Variants in KIF9 observed in about 807,000 individuals in gnomAD.
KIF9 encodes the protein kinesin family member 9.
In KIF9, 68 loss-of-function variants were observed where a neutral mutation model predicts 94.8. The ratio of observed to expected loss-of-function variants is 0.72; its 90% CI spans 0.59 to 0.88. KIF9 has a LOEUF of 0.88. Among genes scored for constraint, KIF9 ranks in the 40% least tolerant of loss-of-function variants. KIF9 has a pLI of 0.00. For missense variants in KIF9, 882 were observed against 982.5 expected, an observed-to-expected ratio of 0.90 and a Z score of 1.37; for synonymous variants, 343 against 362.1, an observed-to-expected ratio of 0.95 and a Z score of 0.60.
intron 10 of KIF9, among the ~76,000 whole-genome samples, chr3:47,257,115 TGA>T (rs1491245530): frequency 6.6e-6 from 1 of 151,602 alleles, no homozygotes; most frequent in African/African-American, 2.4e-5. Flanking sequence ...TCCCCCTCTG[TGA>T]GAAACACCCA....
chr3:47,269,129 A>G lies in KIF9; in HGVS notation c.592-1866T>C, dbSNP rs527749784. On this transcript the variant is annotated intron_variant, in intron 5 of 20. Coordinates refer to ENST00000684063, the MANE Select transcript of KIF9 (RefSeq NM_182902.4). ...ATCCTGCTATTGACGTTGAGGAAGTAAGTTGCTATGTTGTGAGAAGGCACT... is the reference window on the plus strand; with the variant it reads ...ATCCTGCTATTGACGTTGAGGAAGTGAGTTGCTATGTTGTGAGAAGGCACT... Among the ~76,000 whole-genome samples, 26 of 152,324 alleles carry G rather than the reference A, an allele frequency of 1.7e-4. No homozygotes were observed. In the South Asian group the frequency reaches 5.0e-3, roughly 29 times the overall value.
chr3:47,241,801 ATATATG>A lies in KIF9; in HGVS notation c.1710-792_1710-787del, dbSNP rs1293813911. The stretch of plus-strand genomic sequence containing the variant: ...TACATGTATATACGTGTATATATGT[ATATATG>A]TATATATGTATATATATACACACAC... On this transcript the variant is annotated intron_variant, in intron 16 of 20. Coordinates refer to ENST00000684063, the MANE Select transcript of KIF9 (RefSeq NM_182902.4). Among the ~76,000 whole-genome samples, 20 of 144,446 alleles carry A rather than the reference ATATATG, an allele frequency of 1.4e-4. No individual in the cohort carries two copies. In the South Asian group the frequency reaches 2.1e-3, roughly 15 times the overall value. 94.8% of individuals were successfully genotyped at this position (144,446 alleles called of 152,430 possible).
At chr3:47,260,649 C>G (rs554848387) in intron 9 of KIF9, among the ~76,000 whole-genome samples, 1 of 152,142 alleles carries the variant, frequency 6.6e-6, no homozygotes, top group East Asian at 1.9e-4. Context: ...GTTTTATAGA[C>G]GAGGACACTG....
At chr3:47,256,465 A>AG (rs1349841829) in intron 10 of KIF9, among the ~76,000 whole-genome samples, 1 of 149,992 alleles carries the variant, frequency 6.7e-6, no homozygotes, top group Non-Finnish European at 1.5e-5. Flanking sequence ...CCCGTCCGGG[A>AG]GGGAGGTGGG....
chr3:47,257,943 C>T (rs901496000), intron 9 of KIF9, among the ~76,000 whole-genome samples: 1 of 152,200 alleles, frequency 6.6e-6, no homozygotes. Flanking sequence ...CTCTCCAAGG[C>T]TCAGCTGAAA....
intron 3 of KIF9, chr3:47,275,109 CTT>C: frequency 3.8e-6 from 2 of 530,894 alleles, no homozygotes; most frequent in South Asian, 6.3e-5. Flanking sequence ...GAGCCATAGT[CTT>C]TTAATTTTCC....
chr3:47,232,996 A>C (rs1698719319), intron 20 of KIF9, among the ~76,000 whole-genome samples: 1 of 150,840 alleles, frequency 6.6e-6, no homozygotes, highest in South Asian at 2.1e-4. Flanking sequence ...AAAAAAAAAA[A>C]CAAAAACCAT....
chr3:47,241,884 A>ATTTTT (rs199875749), intron 16 of KIF9, among the ~76,000 whole-genome samples: 1 of 114,292 alleles, frequency 8.7e-6, no homozygotes, highest in African/African-American at 3.6e-5. Flanking sequence ...ATATATATAT[A>ATTTTT]TTTTTTTTTT....
rs372572936 is a variant in KIF9 at position 47,243,038 on chromosome 3, A to G, written c.1709+13T>C. On this transcript the variant is annotated intron_variant, in intron 16 of 20. Transcript: ENST00000684063. Reference sequence around the variant, plus strand: ...TGTTTGATCTGGTGCAGAAGCTAACATTAGCTGATTACCTAATTGGGCGTA... The same window carrying G: ...TGTTTGATCTGGTGCAGAAGCTAACGTTAGCTGATTACCTAATTGGGCGTA... 2 of 1,591,586 alleles carry G rather than the reference A, an allele frequency of 1.3e-6. No homozygotes were observed. Among genetic ancestry groups the G allele is most frequent in the African/African-American group, 2.7e-5 (2 of 74,740 alleles).
intron 20 of KIF9, among the ~76,000 whole-genome samples, chr3:47,234,101 GAA>G (rs895786176): frequency 1.1e-4 from 17 of 151,908 alleles, no homozygotes; most frequent in African/African-American, 3.1e-4. Flanking sequence ...CCAAAAAAAA[GAA>G]AGAGAGAAAA....
At chr3:47,265,963 C>G in intron 7 of KIF9, 86 bp from the exon 8 acceptor site, 1 of 1,482,710 alleles carries the variant, frequency 6.7e-7, no homozygotes, top group Non-Finnish European at 9.3e-7. Flanking sequence ...TGGAGAAATG[C>G]TATAAGTCTG....
At chr3:47,276,490 A>AG (rs1308028091) in intron 2 of KIF9, among the ~76,000 whole-genome samples, 2 of 145,206 alleles carry the variant, frequency 1.4e-5, no homozygotes, top group East Asian at 4.4e-4. Flanking sequence ...TGGGAGGCGG[A>AG]GGTTGCAGTG....
Position 47,239,323 on chromosome 3 carries a change from A to G in KIF9, c.1924+1478T>C, listed in dbSNP as rs190093371. Among the ~76,000 whole-genome samples, 1,266 of 152,322 alleles carry G rather than the reference A, an allele frequency of 8.3e-3. 9 individuals are homozygous for G. The highest frequency in any genetic ancestry group is 0.034 in the Middle Eastern group (10 of 294). On this transcript the variant is annotated intron_variant, in intron 17 of 20. Transcript: ENST00000684063. ...GCGTATATTTTATCTTAAATATGTA[A>G]TAAGGGGCTGTATGTTCAAAGAAAG...
At position 47,244,914 on chromosome 3, in the gene KIF9, A is replaced by G. The variant is rs777797414; in HGVS notation, c.1391T>C (p.Val464Ala). ...AISAIQKAGLVDVDGHLVGEP... is the reference protein window; with the variant it reads ...AISAIQKAGLADVDGHLVGEP... Reference sequence around the variant, plus strand: ...ACCCACTAGGTGGCCATCAACATCCACAAGCCCCGCCTACATAGAGAGGCC... The same window carrying G: ...ACCCACTAGGTGGCCATCAACATCCGCAAGCCCCGCCTACATAGAGAGGCC... The change falls in exon 15 of 21, where the codon GTG becomes GCG. Residue 464 changes from valine (V) to alanine (A), a missense_variant. Val to Ala is a moderately conservative substitution (Grantham distance 64, BLOSUM62 0). Coordinates refer to ENST00000684063, the MANE Select transcript of KIF9 (RefSeq NM_182902.4). 10 of 1,614,010 alleles carry G rather than the reference A, an allele frequency of 6.2e-6. No individual in the cohort carries two copies. In the South Asian group the frequency reaches 8.8e-5, roughly 14 times the overall value.
intron 17 of KIF9, 99 bp from the exon 18 acceptor site, chr3:47,236,718 GA>G (rs1699054580): frequency 1.9e-6 from 2 of 1,043,988 alleles, no homozygotes; most frequent in Non-Finnish European, 2.8e-6. Context: ...GGCAAATCAT[GA>G]AGACAGGAGA....
chr3:47,248,071 G>A lies in KIF9; in HGVS notation c.1075C>T (p.Leu359=). The change falls in exon 11 of 21, where the codon CTG becomes TTG. Residue 359 remains leucine, a synonymous_variant. Transcript: ENST00000684063. ...KYDAERMVKN[L]EKELALLKQE... ...TTGAGTAGTGCTAGTTCCTTCTCCA[G>A]GTTCTTGACCATTCTCTGCCGGGAA... The A allele has an allele frequency of 6.2e-7, 1 of 1,613,596 alleles. No individual in the cohort carries two copies. The highest frequency in any genetic ancestry group is 8.5e-7 in the Non-Finnish European group (1 of 1,179,682).
At chr3:47,232,305 T>C (rs1698651893) in intron 20 of KIF9, among the ~76,000 whole-genome samples, 1 of 152,088 alleles carries the variant, frequency 6.6e-6, no homozygotes, top group African/African-American at 2.4e-5. Flanking sequence ...TTGTTTTTTT[T>C]ACGGAGTCTC....
intron 20 of KIF9, among the ~76,000 whole-genome samples, chr3:47,233,035 A>G (rs924921330): frequency 8.6e-5 from 13 of 151,308 alleles, no homozygotes; most frequent in Non-Finnish European, 1.8e-4. Context: ...AATGACAAAC[A>G]GGAAGAAATA....
rs766858713 is a variant in KIF9, at chr3:47,228,658, T to C, written c.2367A>G (p.Arg789=). ...AGGTACTGGCGATGAGGTTCTATTT[T>C]CTATGTGCCTGCTGGAGGCCCATCA... ...KTMMGLQQAH[R]K The change falls in exon 21 of 21, where the codon AGA becomes AGG. Residue 789 remains arginine, a synonymous_variant. Transcript: ENST00000684063. The C allele has an allele frequency of 1.6e-5, 26 of 1,613,704 alleles. No homozygotes were observed. In the South Asian group the frequency reaches 2.6e-4, roughly 16 times the overall value.
Sources: gnomAD v4.1 joint callset for allele counts (sites outside exome capture counted in the v4.1 genomes callset) on GRCh38, gnomAD v4.1.1 for gene constraint, MANE v1.5 for transcripts, NCBI Gene and HGNC (gene_info 2026-07-23, HGNC 2026-07-21) for gene names.